The following UBE2F variants were observed in gnomAD, a reference collection of about 807,000 sequenced individuals.
UBE2F encodes the protein ubiquitin conjugating enzyme E2 F (putative).
Under a neutral mutation model 29.6 loss-of-function variants are expected in UBE2F, and 5 were observed. The observed-to-expected ratio is 0.17, with a 90% CI of 0.09 to 0.36. The LOEUF (loss-of-function observed/expected upper bound fraction) is 0.36. Among genes scored for constraint, UBE2F ranks in the 10% least tolerant of loss-of-function variants. UBE2F has a pLI of 1.00. For synonymous variants in UBE2F, 66 were observed against 81.8 expected, an observed-to-expected ratio of 0.81 and a Z score of 1.04; for missense variants, 141 against 228.5, an observed-to-expected ratio of 0.62 and a Z score of 2.47.
intron 4 of UBE2F, among the ~76,000 whole-genome samples, chr2:238,013,961 T>G (rs1171786954): frequency 6.6e-6 from 1 of 152,214 alleles, no homozygotes; most frequent in Non-Finnish European, 1.5e-5. Flanking sequence ...TGGACTTGTG[T>G]ACTGTGCTGT....
chr2:237,998,604 G>T (rs933570859), intron 4 of UBE2F, among the ~76,000 whole-genome samples: 12 of 131,450 alleles, frequency 9.1e-5, no homozygotes, highest in African/African-American at 3.9e-4. Flanking sequence ...AGGTTTGACT[G>T]CCGTGAGCTT....
chr2:238,025,202 C>A, intron 5 of UBE2F, 140 bp from the exon 6 acceptor site: 1 of 705,404 alleles, frequency 1.4e-6, no homozygotes. Flanking sequence ...CAGGGTTGAA[C>A]ACGTGTTCAG....
At chr2:238,012,747 G>A (rs973504763) in intron 4 of UBE2F, among the ~76,000 whole-genome samples, 7 of 152,166 alleles carry the variant, frequency 4.6e-5, no homozygotes, top group African/African-American at 1.7e-4. Flanking sequence ...AGTTAGATAG[G>A]TGAGACGTGG....
chr2:238,029,901 CT>C (rs1312039221), intron 6 of UBE2F, among the ~76,000 whole-genome samples: 1 of 152,022 alleles, frequency 6.6e-6, no homozygotes, highest in Non-Finnish European at 1.5e-5. Context: ...TCAGTTACTC[CT>C]GTTGTCATGT....
intron 2 of UBE2F, among the ~76,000 whole-genome samples, chr2:237,985,843 A>T (rs1045448565): frequency 6.6e-6 from 1 of 151,900 alleles, no homozygotes; most frequent in Non-Finnish European, 1.5e-5. Flanking sequence ...TCTTTTTTCC[A>T]CCTTCTTGCC....
chr2:237,993,652 G>A (rs1192213811), intron 3 of UBE2F, among the ~76,000 whole-genome samples: 1 of 152,194 alleles, frequency 6.6e-6, no homozygotes, highest in African/African-American at 2.4e-5. Context: ...GGCAGAGGTT[G>A]CGGTGAGCTG....
rs1469818727 is a variant in UBE2F at position 237,967,056 on chromosome 2, C to T, written c.-93C>T. 45 of 1,318,138 alleles carry T rather than the reference C, an allele frequency of 3.4e-5. No individual in the cohort carries two copies. Among genetic ancestry groups the T allele is most frequent in the Admixed American group, 1.1e-4 (3 of 26,348 alleles). The allele number at this position is 1,318,138 out of a possible 1,614,324, so 81.7% of individuals were successfully genotyped here. A position where few individuals can be genotyped will look rare whatever the true frequency, so the allele number is the denominator to read the frequency against. ...CGGGAGCCGGTGCGGCTGTGAGGGG[C>T]CGCGTCTCGCAGCAGCCGCCCGGAC... On this transcript the variant is annotated 5_prime_UTR_variant, in exon 1 of 10. Transcript: ENST00000272930. The surrounding 1 kb of genome is among the most constrained non-coding windows in gnomAD (Gnocchi z 6.3).
chr2:238,032,461 A>G (rs533848177), intron 8 of UBE2F: 40 of 532,550 alleles, frequency 7.5e-5, no homozygotes, highest in African/African-American at 6.5e-4. Flanking sequence ...CAAAAAATAG[A>G]AAAATTAGTT....
chr2:238,016,727 T>C (rs573409420), intron 5 of UBE2F, 94 bp downstream of exon 5: 12 of 991,470 alleles, frequency 1.2e-5, no homozygotes, highest in Non-Finnish European at 1.8e-5. Flanking sequence ...AGCACTCCCC[T>C]CTGCGTGTGT....
chr2:237,988,819 T>G (rs896417291), intron 3 of UBE2F, among the ~76,000 whole-genome samples: 4 of 152,156 alleles, frequency 2.6e-5, no homozygotes, highest in African/African-American at 9.7e-5. Flanking sequence ...AAGTTCTCAT[T>G]TGTAACTTGT....
At chr2:237,990,047 G>A (rs972498685) in intron 3 of UBE2F, among the ~76,000 whole-genome samples, 1 of 151,338 alleles carries the variant, frequency 6.6e-6, no homozygotes, top group Non-Finnish European at 1.5e-5. Flanking sequence ...GAACCCAGGA[G>A]GCGGAGGTTG....
intron 6 of UBE2F, among the ~76,000 whole-genome samples, chr2:238,026,830 A>G (rs772914617): frequency 6.6e-6 from 1 of 152,202 alleles, no homozygotes; most frequent in Non-Finnish European, 1.5e-5. Context: ...TTTTTCACAG[A>G]TGGTTAAAAA....
intron 3 of UBE2F, among the ~76,000 whole-genome samples, chr2:237,991,314 A>G (rs757586146): frequency 5.3e-5 from 8 of 152,196 alleles, no homozygotes; most frequent in Non-Finnish European, 8.8e-5. Context: ...TTTACTATCT[A>G]TTTAATTATC....
intron 5 of UBE2F, among the ~76,000 whole-genome samples, chr2:238,023,167 C>G (rs1038380592): frequency 5.9e-5 from 9 of 152,188 alleles, no homozygotes; most frequent in Non-Finnish European, 1.2e-4. Context: ...TGGCCTAGCA[C>G]TAGCCTGCCA....
At chr2:238,001,724 G>T (rs1193861939) in intron 4 of UBE2F, among the ~76,000 whole-genome samples, 1 of 152,046 alleles carries the variant, frequency 6.6e-6, no homozygotes, top group East Asian at 2.0e-4. Flanking sequence ...GGAGGCTGAG[G>T]CAGGAGAATG....
intron 6 of UBE2F, chr2:238,028,864 A>G (rs1374796662): frequency 6.6e-6 from 1 of 152,236 alleles, no homozygotes; most frequent in Admixed American, 6.5e-5. Context: ...CCACAGCACA[A>G]TAATTCAACA....
At chr2:238,028,894 C>T (rs563720526) in intron 6 of UBE2F, 1 of 149,360 alleles carries the variant, frequency 6.7e-6, no homozygotes, top group East Asian at 2.0e-4. Flanking sequence ...GTAATTTTAT[C>T]TCCAGAAGGA....
At chr2:238,015,594 T>G (rs2064134053) in intron 4 of UBE2F, among the ~76,000 whole-genome samples, 1 of 152,176 alleles carries the variant, frequency 6.6e-6, no homozygotes, top group Non-Finnish European at 1.5e-5. Flanking sequence ...GAATGGAATT[T>G]TTTTTTAATG....
rs2064838420 is a variant in UBE2F, at chr2:238,041,629, T to G, written c.*291T>G. The G allele has an allele frequency of 3.7e-6, 1 of 273,760 alleles. No individual in the cohort carries two copies. The highest frequency in any genetic ancestry group is 6.9e-6 in the Non-Finnish European group (1 of 145,050). The allele number at this position is 273,760 out of a possible 1,614,324, so 17.0% of individuals were successfully genotyped here. A position where few individuals can be genotyped will look rare whatever the true frequency, so the allele number is the denominator to read the frequency against. On this transcript the variant is annotated 3_prime_UTR_variant, in exon 10 of 10. Transcript: ENST00000272930. ...ACTGTATAGGCTGTTGGTGAAATTC[T>G]TAAGAAGTTGTAATGAACTCAAAAT...
Sources: gnomAD v4.1 joint callset for allele counts (sites outside exome capture counted in the v4.1 genomes callset) on GRCh38, gnomAD v4.1.1 for gene constraint, Gnocchi (gnomAD v3.1) non-coding constraint, MANE v1.5 for transcripts, NCBI Gene and HGNC (gene_info 2026-07-23, HGNC 2026-07-21) for gene names.